Variants in JAZF1 observed in about 807,000 individuals in gnomAD.
JAZF1 encodes the protein juxtaposed with another zinc finger protein 1.
Under a neutral mutation model 26.4 loss-of-function variants are expected in JAZF1, and 8 were observed. The observed-to-expected ratio is 0.30, with a 90% confidence interval of 0.18 to 0.55. JAZF1 has a LOEUF of 0.55. Among genes scored for constraint, JAZF1 ranks in the 20% least tolerant of loss-of-function variants. The pLI, the probability that JAZF1 is intolerant of heterozygous loss-of-function variation, is 0.94. For synonymous variants in JAZF1, 126 were observed against 122.3 expected, an observed-to-expected ratio of 1.03 and a Z score of -0.20; for missense variants, 199 against 322.0, an observed-to-expected ratio of 0.62 and a Z score of 2.92.
chr7:27,991,235 G>A (rs1785896257), intron 2 of JAZF1, among the ~76,000 whole-genome samples: 1 of 152,086 alleles, frequency 6.6e-6, no homozygotes, highest in African/African-American at 2.4e-5. Flanking sequence ...AACTAGTTTT[G>A]CTTTTACTTT....
chr7:27,871,287 G>T (rs1783577130), intron 3 of JAZF1, among the ~76,000 whole-genome samples: 1 of 152,190 alleles, frequency 6.6e-6, no homozygotes, highest in Non-Finnish European at 1.5e-5. Flanking sequence ...AGTGCTGTGT[G>T]CCAACGGGGT....
Position 28,157,657 on chromosome 7 carries a change from G to A in JAZF1, c.115+22806C>T, listed in dbSNP as rs985760627. Among the ~76,000 whole-genome samples, 8 of 152,154 alleles carry A rather than the reference G, an allele frequency of 5.3e-5. No homozygotes were observed. The East Asian group carries it at 5.8e-4, about 11-fold the overall frequency. ...AAGGAACCCATCCTTAGACAGCTTC[G>A]TGGAGGAGACATACTATCCACCCTG... On this transcript the variant is annotated intron_variant, in intron 1 of 4. Transcript: ENST00000283928.
intron 1 of JAZF1, among the ~76,000 whole-genome samples, chr7:28,152,005 T>G (rs1317122201): frequency 1.3e-5 from 2 of 152,224 alleles, no homozygotes; most frequent in African/African-American, 4.8e-5. Flanking sequence ...CATTTTATTT[T>G]TAGATTTCCC....
At chr7:28,021,350 C>T (rs768557147) in intron 1 of JAZF1, among the ~76,000 whole-genome samples, 3 of 152,218 alleles carry the variant, frequency 2.0e-5, no homozygotes, top group Non-Finnish European at 1.5e-5. Flanking sequence ...CCCATCACTT[C>T]CTAACTGTCC....
chr7:27,967,406 T>C (rs1785296082), intron 2 of JAZF1, among the ~76,000 whole-genome samples: 2 of 152,250 alleles, frequency 1.3e-5, no homozygotes, highest in Admixed American at 6.5e-5. Context: ...GCTTTCTGAC[T>C]GTCCGATCCC....
rs17156282 is a variant in JAZF1 at position 28,056,348 on chromosome 7, C to T, written c.116-64367G>A. The stretch of plus-strand genomic sequence containing the variant: ...TCATGTCAGATGGGACTCCTGGGAG[C>T]GCAAGTCTTTACCATATAAAAATTA... On this transcript the variant is annotated intron_variant, in intron 1 of 4. Transcript: ENST00000283928. 0.022 allele frequency among the ~76,000 whole-genome samples: 3,374 copies of T among 151,652 alleles called. 241 individuals are homozygous for T. In the East Asian group the frequency reaches 0.28, roughly 12 times the overall value.
At chr7:28,136,213 TA>T (rs1782884239) in intron 1 of JAZF1, among the ~76,000 whole-genome samples, 1 of 152,358 alleles carries the variant, frequency 6.6e-6, no homozygotes, top group African/African-American at 2.4e-5. Context: ...TCTCACACTC[TA>T]TTCTCCCTAT....
intron 1 of JAZF1, among the ~76,000 whole-genome samples, chr7:28,178,377 TCTAAGTAGGTAGG>T (rs1226237972): frequency 6.6e-6 from 1 of 152,184 alleles, no homozygotes; most frequent in Non-Finnish European, 1.5e-5. Flanking sequence ...AACCAGCTTG[TCTAAGTAGGTAGG>T]CAATGGGGTA....
chr7:28,054,284 A>G (rs17156271), intron 1 of JAZF1, among the ~76,000 whole-genome samples: 8,530 of 152,286 alleles, frequency 0.056, 419 homozygotes, highest in African/African-American at 0.13. Context: ...TAGTTATAGA[A>G]GTTGAAGAGA....
chr7:28,075,337 G>A (rs1023125966), intron 1 of JAZF1, among the ~76,000 whole-genome samples: 1 of 152,148 alleles, frequency 6.6e-6, no homozygotes, highest in Non-Finnish European at 1.5e-5. Context: ...GACCACAGAA[G>A]CTCATTTATT....
chr7:28,058,128 G>T (rs556593987), intron 1 of JAZF1, among the ~76,000 whole-genome samples: 9 of 152,156 alleles, frequency 5.9e-5, no homozygotes, highest in Non-Finnish European at 1.3e-4. Context: ...AAGTGAAGGC[G>T]GTGGTACTGA....
At chr7:27,976,526 T>TA (rs113466795) in intron 2 of JAZF1, among the ~76,000 whole-genome samples, 8 of 152,170 alleles carry the variant, frequency 5.3e-5, no homozygotes, top group African/African-American at 1.9e-4. Flanking sequence ...GATTGAGACC[T>TA]AAGAGCATGC....
rs4640965 is a variant in JAZF1, at chr7:27,855,829, T to C, written c.386-14962A>G. On this transcript the variant is annotated intron_variant, in intron 3 of 4. Transcript: ENST00000283928. ...TTCCTTCTGAAATGATTCCAAACAA[T>C]AGAAAAAGAGGGACTCCTCCCTAAC... 7.5e-3 allele frequency among the ~76,000 whole-genome samples: 1,139 copies of C among 151,992 alleles called. 14 individuals carry two copies. Among genetic ancestry groups the C allele is most frequent in the African/African-American group, 0.026 (1,067 of 41,438 alleles).
At chr7:27,920,469 G>A (rs1784508810) in intron 2 of JAZF1, among the ~76,000 whole-genome samples, 1 of 152,162 alleles carries the variant, frequency 6.6e-6, no homozygotes, top group Non-Finnish European at 1.5e-5. Context: ...TCAAAAATAA[G>A]GTCTCATGTA....
At chr7:27,969,852 G>A (rs193147624) in intron 2 of JAZF1, among the ~76,000 whole-genome samples, 76 of 152,292 alleles carry the variant, frequency 5.0e-4, no homozygotes, top group African/African-American at 1.6e-3. Context: ...CCTTGATTCC[G>A]TGCAGTATGG....
At chr7:27,843,882 C>T (rs1314559104) in intron 3 of JAZF1, 2 of 152,402 alleles carry the variant, frequency 1.3e-5, no homozygotes, top group South Asian at 2.1e-4. Context: ...CATGGTAGGC[C>T]TTAGAGTAGC....
At chr7:28,169,319 T>C (rs1209177564) in intron 1 of JAZF1, among the ~76,000 whole-genome samples, 1 of 152,260 alleles carries the variant, frequency 6.6e-6, no homozygotes, top group East Asian at 1.9e-4. Flanking sequence ...GTTTCCAATC[T>C]GGGCAGAATA....
At chr7:28,040,724 T>C (rs1783375800) in intron 1 of JAZF1, among the ~76,000 whole-genome samples, 2 of 152,072 alleles carry the variant, frequency 1.3e-5, no homozygotes, top group African/African-American at 4.8e-5. Context: ...AAAAGAATGG[T>C]ATGATAAAAC....
intron 3 of JAZF1, among the ~76,000 whole-genome samples, chr7:27,845,855 G>A (rs1783020091): frequency 6.6e-6 from 1 of 152,024 alleles, no homozygotes; most frequent in Non-Finnish European, 1.5e-5. Context: ...AGATCACACC[G>A]TGGCCTGCAC....
Sources: gnomAD v4.1 joint callset for allele counts (sites outside exome capture counted in the v4.1 genomes callset) on GRCh38, gnomAD v4.1.1 for gene constraint, MANE v1.5 for transcripts, NCBI Gene and HGNC (gene_info 2026-07-23, HGNC 2026-07-21) for gene names.